UGGT2: variants seen among roughly 807,000 people sequenced by gnomAD.
UGGT2 encodes UDP-glucose glycoprotein glucosyltransferase 2, also known as UDP-glucose:glycoprotein glucosyltransferase 2.
Under a neutral mutation model 192.1 loss-of-function variants are expected in UGGT2, and 180 were observed. The ratio of observed to expected loss-of-function variants is 0.94; its 90% CI spans 0.83 to 1.06. The LOEUF is 1.06. Ranked by LOEUF, UGGT2 falls within the 50% of genes least tolerant of loss-of-function variation. UGGT2 has a pLI of 0.00. For missense variants in UGGT2, 1,849 were observed against 1,795.7 expected, an observed-to-expected ratio of 1.03 and a Z score of -0.54; for synonymous variants, 580 against 591.0, an observed-to-expected ratio of 0.98 and a Z score of 0.27.
At chr13:95,928,156 C>T (rs887095232) in intron 17 of UGGT2, among the ~76,000 whole-genome samples, 1 of 152,246 alleles carries the variant, frequency 6.6e-6, no homozygotes, top group Non-Finnish European at 1.5e-5. Context: ...GTCATCATGG[C>T]CCGTTCTCAA....
At chr13:96,051,876 G>A (rs546316563) in intron 1 of UGGT2, among the ~76,000 whole-genome samples, 1 of 152,306 alleles carries the variant, frequency 6.6e-6, no homozygotes, top group Non-Finnish European at 1.5e-5. Flanking sequence ...CTACACTGCT[G>A]GTGGGAATGT....
At chr13:95,869,367 T>C (rs1418620222) in intron 29 of UGGT2, among the ~76,000 whole-genome samples, 1 of 152,226 alleles carries the variant, frequency 6.6e-6, no homozygotes, top group Non-Finnish European at 1.5e-5. Flanking sequence ...TGTGTCTTTA[T>C]AGCAGCATGT....
intron 27 of UGGT2, among the ~76,000 whole-genome samples, chr13:95,882,095 G>C (rs2140184792): frequency 6.6e-6 from 1 of 151,780 alleles, no homozygotes; most frequent in East Asian, 1.9e-4. Flanking sequence ...TTTTAGTAGA[G>C]ATGGAGGTTT....
chr13:95,971,560 C>A (rs1345923645), intron 11 of UGGT2, among the ~76,000 whole-genome samples: 2 of 152,086 alleles, frequency 1.3e-5, no homozygotes, highest in Non-Finnish European at 2.9e-5. Context: ...ATAAAAATTT[C>A]CTCATACACT....
At chr13:95,943,404 C>T (rs973575850) in intron 15 of UGGT2, among the ~76,000 whole-genome samples, 1 of 151,910 alleles carries the variant, frequency 6.6e-6, no homozygotes, top group African/African-American at 2.4e-5. Context: ...TGACCTTCCC[C>T]CCAGCCCCCA....
intron 16 of UGGT2, 77 bp downstream of exon 16, chr13:95,939,880 T>A: frequency 8.3e-7 from 1 of 1,210,386 alleles, no homozygotes; most frequent in Non-Finnish European, 1.1e-6. Flanking sequence ...TTTTAAAGAT[T>A]CTACATGAGT....
chr13:95,895,323 A>T lies in UGGT2; in HGVS notation c.2635-19T>A. 7.6e-7 allele frequency: 1 copy of T among 1,308,456 alleles called. No homozygotes were observed. Among genetic ancestry groups the T allele is most frequent in the South Asian group, 1.4e-5 (1 of 72,446 alleles). The allele number at this position is 1,308,456 out of a possible 1,614,324, so 81.1% of individuals were successfully genotyped here. A position where few individuals can be genotyped will look rare whatever the true frequency, so the allele number is the denominator to read the frequency against. ...CTAAGAACTTAAAATAAAAACAGTT[A>T]TATTATCATATATCTTCTAGAAGAT... On this transcript the variant is annotated intron_variant, in intron 22 of 38. Coordinates refer to ENST00000376747, the MANE Select transcript of UGGT2 (RefSeq NM_020121.4).
intron 33 of UGGT2, 91 bp from the exon 34 acceptor site, chr13:95,856,431 C>A (rs1889623567): frequency 9.4e-6 from 13 of 1,386,666 alleles, no homozygotes; most frequent in Non-Finnish European, 1.2e-5. Context: ...GTAAAGCTTC[C>A]TATAAATTGT....
intron 32 of UGGT2, 140 bp from the exon 33 acceptor site, chr13:95,859,815 ATACAGG>A (rs1472313976): frequency 6.6e-5 from 37 of 562,218 alleles, no homozygotes; most frequent in South Asian, 1.0e-4. Context: ...TGTGCAGAAC[ATACAGG>A]TTTGTTACAT....
intron 5 of UGGT2, among the ~76,000 whole-genome samples, chr13:96,007,967 T>C (rs1474378385): frequency 2.0e-5 from 3 of 152,130 alleles, no homozygotes; most frequent in Admixed American, 6.5e-5. Flanking sequence ...ATATGAAAAC[T>C]GAACAACCAT....
At chr13:95,889,709 C>T (rs1297483207) in intron 25 of UGGT2, among the ~76,000 whole-genome samples, 1 of 152,148 alleles carries the variant, frequency 6.6e-6, no homozygotes, top group Non-Finnish European at 1.5e-5. Context: ...CTTTTGGAGA[C>T]TGATATCTGT....
intron 31 of UGGT2, chr13:95,863,298 G>A (rs1217747911): frequency 5.0e-6 from 1 of 200,342 alleles, no homozygotes; most frequent in African/African-American, 2.3e-5. Context: ...TTGTCTTCAT[G>A]TAATTGCCTT....
At position 95,859,653 on chromosome 13, in the gene UGGT2, G is replaced by T; in HGVS notation, c.3763C>A (p.Arg1255Ser). ...AATTTCACTGGTGTTTTGGTGTTAC[G>T]CAAAACAGAAAGCATCATAATTCTG... ...FLRIMMLSVL[R>S]NTKTPVKFWL... The change falls in exon 33 of 39, where the codon CGT becomes AGT. Residue 1255 changes from arginine (R) to serine (S), a missense_variant. Arg to Ser is a moderately radical substitution (Grantham distance 110, BLOSUM62 -1). Transcript: ENST00000376747. The T allele has an allele frequency of 6.2e-7, 1 of 1,608,856 alleles. No homozygotes were observed. Among genetic ancestry groups the T allele is most frequent in the South Asian group, 1.1e-5 (1 of 90,346 alleles).
chr13:95,997,112 A>G (rs2140919351), intron 6 of UGGT2, among the ~76,000 whole-genome samples: 1 of 152,178 alleles, frequency 6.6e-6, no homozygotes, highest in East Asian at 1.9e-4. Context: ...AACCCTGGGT[A>G]CTTTGATCTA....
chr13:95,911,728 CAACTT>C (rs1426639291), intron 20 of UGGT2, among the ~76,000 whole-genome samples: 1 of 152,134 alleles, frequency 6.6e-6, no homozygotes, highest in African/African-American at 2.4e-5. Context: ...CTCCCTAACT[CAACTT>C]ATGAGGCCAA....
intron 2 of UGGT2, among the ~76,000 whole-genome samples, chr13:96,025,675 C>T (rs1431066302): frequency 6.6e-6 from 1 of 152,072 alleles, no homozygotes; most frequent in African/African-American, 2.4e-5. Flanking sequence ...GAAACTGTGG[C>T]AAGCTAAGTT....
intron 10 of UGGT2, among the ~76,000 whole-genome samples, chr13:95,979,527 C>A (rs2051046133): frequency 8.3e-6 from 1 of 120,654 alleles, no homozygotes; most frequent in African/African-American, 3.2e-5. Flanking sequence ...TATATATTCT[C>A]ATTTCCCCTG....
intron 12 of UGGT2, among the ~76,000 whole-genome samples, chr13:95,960,896 A>G (rs2050369817): frequency 6.6e-6 from 1 of 152,188 alleles, no homozygotes; most frequent in African/African-American, 2.4e-5. Context: ...AAAGTCCTGT[A>G]AGAAAATGCC....
intron 7 of UGGT2, among the ~76,000 whole-genome samples, chr13:95,994,820 A>ATT (rs2051568229): frequency 6.6e-6 from 1 of 152,072 alleles, no homozygotes; most frequent in African/African-American, 2.4e-5. Flanking sequence ...ATAAATATTT[A>ATT]ACAATTTATT....
Sources: gnomAD v4.1 joint callset for allele counts (sites outside exome capture counted in the v4.1 genomes callset) on GRCh38, gnomAD v4.1.1 for gene constraint, MANE v1.5 for transcripts, NCBI Gene and HGNC (gene_info 2026-07-23, HGNC 2026-07-21) for gene names.